DENND6A: variants seen among roughly 807,000 people sequenced by gnomAD.
DENND6A encodes the protein DENN domain containing 6A.
Under a neutral mutation model 95.5 loss-of-function variants are expected in DENND6A, and 43 were observed. The ratio of observed to expected loss-of-function variants is 0.45; its 90% CI spans 0.35 to 0.58. The LOEUF (loss-of-function observed/expected upper bound fraction) is 0.58, where lower values mean the gene tolerates loss of function less well. DENND6A is among the 20% of genes least tolerant of loss of function. The pLI is 0.00. For synonymous variants in DENND6A, 257 were observed against 260.4 expected, an observed-to-expected ratio of 0.99 and a Z score of 0.13; for missense variants, 574 against 736.0, an observed-to-expected ratio of 0.78 and a Z score of 2.55.
At chr3:57,680,232 G>T (rs11718944) in intron 1 of DENND6A, among the ~76,000 whole-genome samples, 1 of 152,056 alleles carries the variant, frequency 6.6e-6, no homozygotes, top group South Asian at 2.1e-4. Context: ...CCTTGAATTA[G>T]GCAATGTTTT....
intron 11 of DENND6A, 35 bp downstream of exon 11, chr3:57,645,626 G>GT: frequency 6.7e-7 from 1 of 1,498,066 alleles, no homozygotes; most frequent in Non-Finnish European, 9.2e-7. Flanking sequence ...GGTTATAAAG[G>GT]TAATACCTGG....
At chr3:57,649,380 A>C (rs1350220151) in intron 9 of DENND6A, among the ~76,000 whole-genome samples, 1 of 152,156 alleles carries the variant, frequency 6.6e-6, no homozygotes, top group Non-Finnish European at 1.5e-5. Context: ...ATGTGGTGAA[A>C]AGGGAATACT....
At position 57,633,066 on chromosome 3, in the gene DENND6A, G is replaced by A. The variant is rs144611404; in HGVS notation, c.1353+199C>T. On this transcript the variant is annotated intron_variant, in intron 15 of 19. Transcript: ENST00000311128. ...GTGAGAAAATTGAGGGTCAGAGAGA[G>A]GGAGTGACTTACCAAAGTTGAACAG... 4.1e-3 allele frequency among the ~76,000 whole-genome samples: 631 copies of A among 152,270 alleles called. 6 individuals carry two copies. The highest frequency in any genetic ancestry group is 0.015 in the African/African-American group (612 of 41,542).
At chr3:57,629,782 A>C (rs1464916851) in intron 18 of DENND6A, among the ~76,000 whole-genome samples, 3 of 151,166 alleles carry the variant, frequency 2.0e-5, no homozygotes, top group Non-Finnish European at 4.4e-5. Flanking sequence ...TCAGCCTCCC[A>C]AAGTGCTGGG....
chr3:57,667,386 G>A (rs2071541380), intron 3 of DENND6A, among the ~76,000 whole-genome samples: 1 of 151,948 alleles, frequency 6.6e-6, no homozygotes, highest in Non-Finnish European at 1.5e-5. Context: ...TGAACTCCTG[G>A]GCTCAAGTGA....
chr3:57,656,952 T>C (rs1233341585), intron 9 of DENND6A, among the ~76,000 whole-genome samples: 3 of 152,154 alleles, frequency 2.0e-5, no homozygotes, highest in Non-Finnish European at 4.4e-5. Context: ...AGTGAGACTC[T>C]GTCTCAAAAA....
At position 57,630,429 on chromosome 3, in the gene DENND6A, A is replaced by C. The variant is rs1443443329; in HGVS notation, c.1612T>G (p.Cys538Gly). The C allele has an allele frequency of 6.3e-7, 1 of 1,583,890 alleles. No individual in the cohort carries two copies. The highest frequency in any genetic ancestry group is 8.5e-7 in the Non-Finnish European group (1 of 1,173,256). ...KLEALHLEAL[C>G]EEDLLLWIQK... is the part of the protein sequence containing the mutation. ...ACACACAGTTTTCGAACCTCTTCAC[A>C]AAGAGCTTCTAGATGGAGTGCCTCC... Residue 538 changes from cysteine to glycine, a missense_variant, in exon 18 of 20, where the codon TGT becomes GGT. Physicochemically the swap from Cys to Gly is radical, Grantham distance 159. This residue lies in a region of DENND6A where 452 missense variants were observed against 630.9 expected (regional missense o/e 0.72). Coordinates refer to ENST00000311128, the MANE Select transcript of DENND6A (RefSeq NM_152678.3).
At chr3:57,651,119 T>C (rs541358307) in intron 9 of DENND6A, among the ~76,000 whole-genome samples, 32 of 152,072 alleles carry the variant, frequency 2.1e-4, no homozygotes, top group Admixed American at 7.2e-4. Flanking sequence ...ATTAAAAAAA[T>C]GAAGTACAGA....
chr3:57,629,254 A>G (rs1395610766), intron 18 of DENND6A, among the ~76,000 whole-genome samples: 4 of 152,124 alleles, frequency 2.6e-5, no homozygotes, highest in African/African-American at 9.7e-5. Flanking sequence ...CTGAACATGA[A>G]TTTACTACTG....
intron 15 of DENND6A, among the ~76,000 whole-genome samples, chr3:57,632,942 TGTA>T (rs2070718189): frequency 6.6e-6 from 1 of 152,178 alleles, no homozygotes; most frequent in African/African-American, 2.4e-5. Context: ...AGGTGAAAAA[TGTA>T]GTAACTACAT....
chr3:57,691,604 T>C (rs946749312), intron 1 of DENND6A, among the ~76,000 whole-genome samples: 32 of 137,000 alleles, frequency 2.3e-4, no homozygotes, highest in African/African-American at 8.5e-4. Flanking sequence ...AAACTACCCC[T>C]AGCCAATTTT....
At chr3:57,672,461 T>C in intron 1 of DENND6A, 23 bp from the exon 2 acceptor site, 1 of 1,605,368 alleles carries the variant, frequency 6.2e-7, no homozygotes. Flanking sequence ...AGTTAAATTT[T>C]GTTAAACATA....
In DENND6A at chr3:57,628,236, A is replaced by G; in HGVS notation, c.1805T>C (p.Leu602Pro). ...ATATCATGTCATGCCCGTTTTGAGCAGTATGCCTTGCAAGTCCTCTGGCAA... is the reference window on the plus strand; with the variant it reads ...ATATCATGTCATGCCCGTTTTGAGCGGTATGCCTTGCAAGTCCTCTGGCAA... ...LALPEDLQGILLKTGMT is the reference protein window; with the variant it reads ...LALPEDLQGIPLKTGMT Residue 602 changes from leucine (L) to proline (P), a missense_variant, in exon 20 of 20, where the codon CTG (leucine) becomes CCG (proline). By Grantham distance (98) the Leu-to-Pro change is moderately conservative. Transcript: ENST00000311128. 6.2e-7 allele frequency: 1 copy of G among 1,613,724 alleles called. No individual in the cohort carries two copies. The highest frequency in any genetic ancestry group is 8.5e-7 in the Non-Finnish European group (1 of 1,179,920).
chr3:57,692,737 C>G (rs776672769), intron 1 of DENND6A, 45 bp downstream of exon 1: 6 of 1,390,242 alleles, frequency 4.3e-6, no homozygotes, highest in Non-Finnish European at 5.6e-6. Flanking sequence ...GCAGCCGCCC[C>G]GGCGCAGGGG....
At chr3:57,633,923 A>G (rs1249579816) in intron 14 of DENND6A, among the ~76,000 whole-genome samples, 1 of 151,912 alleles carries the variant, frequency 6.6e-6, no homozygotes, top group Admixed American at 6.6e-5. Context: ...CTATAAAGAC[A>G]ATCTTTATTT....
At chr3:57,646,568 AC>A in intron 9 of DENND6A, 130 bp from the exon 10 acceptor site, 1 of 1,286,194 alleles carries the variant, frequency 7.8e-7, no homozygotes, top group South Asian at 1.7e-5. Flanking sequence ...GATCTGATAC[AC>A]AAATTCATTT....
chr3:57,631,785 C>G (rs1267919249), intron 15 of DENND6A, among the ~76,000 whole-genome samples: 4 of 135,174 alleles, frequency 3.0e-5, no homozygotes, highest in Non-Finnish European at 6.1e-5. Context: ...TGCAGTGGCG[C>G]TATCCCGGCT....
intron 10 of DENND6A, 49 bp downstream of exon 10, chr3:57,646,267 C>T (rs758562349): frequency 1.3e-6 from 2 of 1,581,594 alleles, no homozygotes; most frequent in South Asian, 1.2e-5. Context: ...AGGTTAAGTA[C>T]TGCAGCATCC....
intron 11 of DENND6A, 29 bp downstream of exon 11, chr3:57,645,632 C>T: frequency 6.5e-7 from 1 of 1,531,736 alleles, no homozygotes; most frequent in Non-Finnish European, 9.0e-7. Context: ...AAAGGTAATA[C>T]CTGGTCAATA....
Sources: gnomAD v4.1 joint callset for allele counts (sites outside exome capture counted in the v4.1 genomes callset) on GRCh38, gnomAD v4.1.1 for gene constraint, gnomAD v4.1.1 regional missense constraint, MANE v1.5 for transcripts, NCBI Gene and HGNC (gene_info 2026-07-23, HGNC 2026-07-21) for gene names.